GRM1: variants seen among roughly 807,000 people sequenced by gnomAD.
The protein encoded by GRM1 is glutamate metabotropic receptor 1.
A neutral mutation model predicts 90.9 loss-of-function variants in GRM1; 33 were observed. The ratio of observed to expected loss-of-function variants is 0.36; its 90% CI spans 0.28 to 0.49. The LOEUF (loss-of-function observed/expected upper bound fraction) is 0.49, where lower values mean the gene tolerates loss of function less well. GRM1 is among the 20% of genes least tolerant of loss of function. The pLI, the probability that GRM1 is intolerant of heterozygous loss-of-function variation, is 0.99. For synonymous variants in GRM1, 700 were observed against 613.2 expected, an observed-to-expected ratio of 1.14 and a Z score of -2.09; for missense variants, 1,190 against 1,534.3, an observed-to-expected ratio of 0.78 and a Z score of 3.75.
intron 1 of GRM1, among the ~76,000 whole-genome samples, chr6:146,066,280 A>C (rs1294928469): frequency 6.6e-6 from 1 of 152,012 alleles, no homozygotes; most frequent in Non-Finnish European, 1.5e-5. Context: ...GACTATGTAT[A>C]CTCAGATTTT....
At chr6:146,308,004 A>T (rs577949760) in intron 3 of GRM1, among the ~76,000 whole-genome samples, 86 of 152,370 alleles carry the variant, frequency 5.6e-4, no homozygotes, top group African/African-American at 2.0e-3. Context: ...ACATCAAAAC[A>T]TAACTTCTAA....
intron 1 of GRM1, among the ~76,000 whole-genome samples, chr6:146,056,982 G>C (rs1015483704): frequency 6.6e-6 from 1 of 152,076 alleles, no homozygotes; most frequent in Non-Finnish European, 1.5e-5. Context: ...CAGTGTCCTT[G>C]TCACATTTAC....
intron 3 of GRM1, among the ~76,000 whole-genome samples, chr6:146,339,076 A>T (rs1205106966): frequency 6.6e-6 from 1 of 152,240 alleles, no homozygotes; most frequent in East Asian, 1.9e-4. Flanking sequence ...CTCCATGAAC[A>T]GCTAAGTAGG....
chr6:146,084,554 A>C (rs1264361690), intron 1 of GRM1, among the ~76,000 whole-genome samples: 1 of 151,878 alleles, frequency 6.6e-6, no homozygotes. Context: ...GTTTTCAGTG[A>C]GTTTCTTAAT....
intron 1 of GRM1, among the ~76,000 whole-genome samples, chr6:146,132,521 G>T (rs1776444634): frequency 2.6e-5 from 4 of 152,160 alleles, no homozygotes; most frequent in Admixed American, 2.6e-4. Context: ...GTGTGCATGT[G>T]TGTGTGGGTG....
At chr6:146,174,699 A>T (rs1778268855) in intron 2 of GRM1, among the ~76,000 whole-genome samples, 1 of 152,232 alleles carries the variant, frequency 6.6e-6, no homozygotes, top group African/African-American at 2.4e-5. Context: ...TTACACTTGT[A>T]TCCCCAGGGC....
chr6:146,099,718 T>C (rs1484203084), intron 1 of GRM1, among the ~76,000 whole-genome samples: 2 of 152,242 alleles, frequency 1.3e-5, no homozygotes, highest in Non-Finnish European at 2.9e-5. Context: ...TGCTGTTGTA[T>C]GTGACTTTAG....
intron 2 of GRM1, among the ~76,000 whole-genome samples, chr6:146,177,624 T>C (rs1381817178): frequency 2.0e-5 from 3 of 152,276 alleles, no homozygotes; most frequent in Non-Finnish European, 4.4e-5. Context: ...CATTCCTTTC[T>C]CAGTTATCAT....
Position 146,352,394 on chromosome 6 carries a change from C to T in GRM1, c.1331C>T (p.Pro444Leu). ...GHVGLCDAMKPIDGSKLLDFL... is the reference protein window; with the variant it reads ...GHVGLCDAMKLIDGSKLLDFL... ...GTGGGCCTCTGCGATGCCATGAAGCCCATCGACGGCAGCAAGCTGCTGGAC... is the reference window on the plus strand; with the variant it reads ...GTGGGCCTCTGCGATGCCATGAAGCTCATCGACGGCAGCAAGCTGCTGGAC... The change falls in exon 4 of 8, where the codon CCC (proline) becomes CTC (leucine). Residue 444 changes from proline to leucine, a missense_variant. Pro to Leu is a moderately conservative substitution (Grantham distance 98). This residue lies in a region of GRM1 where 414 missense variants were observed against 598.4 expected (regional missense o/e 0.69). Transcript: ENST00000282753. 6.2e-7 allele frequency: 1 copy of T among 1,614,140 alleles called. No individual in the cohort carries two copies. Among genetic ancestry groups the T allele is most frequent in the Non-Finnish European group, 8.5e-7 (1 of 1,179,976 alleles).
chr6:146,392,420 T>A (rs1381382584), intron 6 of GRM1, among the ~76,000 whole-genome samples: 1 of 152,228 alleles, frequency 6.6e-6, no homozygotes, highest in African/African-American at 2.4e-5. Context: ...AATAAAATTG[T>A]TACATGAGTG....
intron 2 of GRM1, among the ~76,000 whole-genome samples, chr6:146,162,853 G>A (rs958579432): frequency 6.6e-6 from 1 of 151,914 alleles, no homozygotes; most frequent in African/African-American, 2.4e-5. Context: ...TGGACTAAGA[G>A]TTCTAGCTAT....
intron 1 of GRM1, among the ~76,000 whole-genome samples, chr6:146,076,371 A>G (rs549255394): frequency 1.3e-5 from 2 of 152,312 alleles, no homozygotes; most frequent in South Asian, 2.1e-4. Flanking sequence ...GAGGTAAAGG[A>G]AGATGCAGCG....
intron 2 of GRM1, among the ~76,000 whole-genome samples, chr6:146,294,744 C>G (rs976253336): frequency 2.0e-5 from 3 of 152,092 alleles, no homozygotes; most frequent in Non-Finnish European, 2.9e-5. Flanking sequence ...ACTTACTGTA[C>G]AAATTTCAAA....
chr6:146,045,345 C>G (rs940455040), intron 1 of GRM1, among the ~76,000 whole-genome samples: 1 of 151,858 alleles, frequency 6.6e-6, no homozygotes, highest in African/African-American at 2.4e-5. Context: ...TGCCTTCTCC[C>G]GCTAGAATAC....
intron 3 of GRM1, among the ~76,000 whole-genome samples, chr6:146,308,557 T>C (rs996507603): frequency 1.3e-5 from 2 of 152,198 alleles, no homozygotes; most frequent in African/African-American, 2.4e-5. Flanking sequence ...CAACAATCTT[T>C]AATCAATCAC....
intron 1 of GRM1, among the ~76,000 whole-genome samples, chr6:146,055,076 T>A (rs544740958): frequency 1.7e-4 from 26 of 152,242 alleles, no homozygotes; most frequent in African/African-American, 6.3e-4. Context: ...TTGTTCATAC[T>A]GTGTTACGGG....
intron 7 of GRM1, among the ~76,000 whole-genome samples, chr6:146,400,416 A>T (rs1054650185): frequency 6.6e-6 from 1 of 151,934 alleles, no homozygotes; most frequent in East Asian, 1.9e-4. Flanking sequence ...AAAAAAAAAT[A>T]AAAAAAGGGA....
At chr6:146,113,351 T>G (rs746591371) in intron 1 of GRM1, among the ~76,000 whole-genome samples, 1 of 152,220 alleles carries the variant, frequency 6.6e-6, no homozygotes, top group Non-Finnish European at 1.5e-5. Flanking sequence ...TAAAGCTTCA[T>G]GATATTCCAC....
At chr6:146,415,184 CAG>C (rs1332475359) in intron 7 of GRM1, among the ~76,000 whole-genome samples, 3 of 152,098 alleles carry the variant, frequency 2.0e-5, no homozygotes, top group African/African-American at 7.2e-5. Context: ...TTCCACCATG[CAG>C]ACTGTTGTAT....
Sources: allele counts gnomAD v4.1 joint callset (sites outside exome capture counted in the v4.1 genomes callset), GRCh38; gene constraint gnomAD v4.1.1; regional missense constraint gnomAD v4.1.1; transcripts MANE v1.5; gene names NCBI Gene and HGNC (gene_info 2026-07-23, HGNC 2026-07-21).